The following CTNND2 variants were observed in gnomAD, a reference collection of about 807,000 sequenced individuals.
The protein encoded by CTNND2 is catenin delta-2.
In CTNND2, 22 loss-of-function variants were observed where a neutral mutation model predicts 144.4. The ratio of observed to expected loss-of-function variants is 0.15; its 90% CI spans 0.11 to 0.22. The LOEUF (loss-of-function observed/expected upper bound fraction) is 0.22, where lower values mean the gene tolerates loss of function less well. Among genes scored for constraint, CTNND2 ranks in the 10% least tolerant of loss-of-function variants. The pLI is 1.00. For missense variants in CTNND2, 1,353 were observed against 1,618.8 expected (o/e 0.84, Z 2.82); for synonymous variants, 751 against 695.6 (o/e 1.08, Z -1.25).
At chr5:11,726,249 A>G (rs1787011073) in intron 2 of CTNND2, among the ~76,000 whole-genome samples, 2 of 152,218 alleles carry the variant, frequency 1.3e-5, no homozygotes, top group Admixed American at 6.5e-5. Flanking sequence ...ATTATATTAA[A>G]TAATTCACAG....
intron 1 of CTNND2, among the ~76,000 whole-genome samples, chr5:11,796,718 A>G (rs762315517): frequency 1.3e-5 from 2 of 152,200 alleles, no homozygotes; most frequent in Non-Finnish European, 2.9e-5. Flanking sequence ...AGGATGTCTT[A>G]ATTTTTCAGA....
At chr5:11,386,187 C>T (rs1207742805) in intron 6 of CTNND2, among the ~76,000 whole-genome samples, 2 of 152,194 alleles carry the variant, frequency 1.3e-5, no homozygotes, top group Non-Finnish European at 2.9e-5. Context: ...CAGGAGGTCT[C>T]AGATCTTCCA....
intron 10 of CTNND2, among the ~76,000 whole-genome samples, chr5:11,208,914 C>T (rs1246749274): frequency 6.6e-6 from 1 of 152,184 alleles, no homozygotes; most frequent in Non-Finnish European, 1.5e-5. Context: ...CATCTATTGG[C>T]TGTAAAGTGA....
At chr5:11,443,877 A>AG (rs35750686) in intron 3 of CTNND2, among the ~76,000 whole-genome samples, 25,777 of 152,142 alleles carry the variant, frequency 0.17, 3,625 homozygotes, top group African/African-American at 0.39. Flanking sequence ...TGGCATAAAA[A>AG]AACTAAGCAT....
intron 1 of CTNND2, among the ~76,000 whole-genome samples, chr5:11,778,221 C>T (rs755723454): frequency 2.6e-5 from 4 of 152,168 alleles, no homozygotes; most frequent in Admixed American, 6.5e-5. Context: ...ACATCCAATC[C>T]CATCCTAGTT....
At chr5:11,272,855 G>A (rs980356498) in intron 9 of CTNND2, among the ~76,000 whole-genome samples, 3 of 152,158 alleles carry the variant, frequency 2.0e-5, no homozygotes, top group South Asian at 4.1e-4. Flanking sequence ...TGATATATTA[G>A]AGTAGGGGTC....
At chr5:11,299,651 T>C (rs391979) in intron 9 of CTNND2, among the ~76,000 whole-genome samples, 47,385 of 152,100 alleles carry the variant, frequency 0.31, 7,546 homozygotes, top group Middle Eastern at 0.38. Context: ...ACATGTAGAA[T>C]GGCCATGTTA....
chr5:11,456,421 G>A (rs187780409), intron 3 of CTNND2, among the ~76,000 whole-genome samples: 20 of 151,486 alleles, frequency 1.3e-4, no homozygotes, highest in African/African-American at 3.9e-4. Context: ...ACAGCAACAC[G>A]AGTTAGGTGT....
At position 11,904,281 on chromosome 5, in the gene CTNND2, C is replaced by T. The variant is rs537600564; in HGVS notation, c.-428G>A. ...CGCCGAGCGCTCCCGAGCTGCGCCC[C>T]GCGCGCGGCCCGCGCCACCTGTGCC... On this transcript the variant is annotated 5_prime_UTR_variant, in exon 1 of 22. Transcript: ENST00000304623. The surrounding 1 kb of genome is among the most constrained non-coding windows in gnomAD (Gnocchi z 4.2). Among the ~76,000 whole-genome samples, 55 of 146,324 alleles carry T rather than the reference C, an allele frequency of 3.8e-4. No individual in the cohort carries two copies. Among genetic ancestry groups the T allele is most frequent in the East Asian group, 1.8e-3 (9 of 4,956 alleles).
chr5:11,731,147 C>A (rs1787365990), intron 2 of CTNND2, among the ~76,000 whole-genome samples: 1 of 152,206 alleles, frequency 6.6e-6, no homozygotes, highest in Admixed American at 6.5e-5. Flanking sequence ...TGAGTACCTA[C>A]TTAGCTGAAC....
chr5:11,262,755 C>A (rs1408146276), intron 9 of CTNND2, among the ~76,000 whole-genome samples: 7 of 47,006 alleles, frequency 1.5e-4, no homozygotes, highest in Admixed American at 6.2e-4. Context: ...GAGTAAGACT[C>A]TGTCTCAAAA....
At position 11,475,661 on chromosome 5, in the gene CTNND2, C is replaced by T. The variant is rs1277128556; in HGVS notation, c.288-63592G>A. ...TCAGGGTGCAGTTCTCAAAGAGAGT[C>T]AGCTGATGTGAGAATGCAGAGACTG... On this transcript the variant is annotated intron_variant, in intron 3 of 21. Transcript: ENST00000304623. Among the ~76,000 whole-genome samples, 5 of 152,264 alleles carry T rather than the reference C, an allele frequency of 3.3e-5. No homozygotes were observed. In the East Asian group the frequency reaches 9.7e-4, roughly 29 times the overall value.
chr5:11,526,883 T>C (rs1338197493), intron 3 of CTNND2, among the ~76,000 whole-genome samples: 2 of 134,058 alleles, frequency 1.5e-5, no homozygotes, highest in African/African-American at 5.9e-5. Flanking sequence ...GGTCTGTCCA[T>C]ACTGTGGAAT....
chr5:11,484,315 C>G (rs539938793), intron 3 of CTNND2, among the ~76,000 whole-genome samples: 1 of 152,306 alleles, frequency 6.6e-6, no homozygotes, highest in South Asian at 2.1e-4. Flanking sequence ...GAATTTGGCT[C>G]CGAATCTGCC....
intron 16 of CTNND2, among the ~76,000 whole-genome samples, chr5:11,030,764 T>G (rs1158150892): frequency 2.0e-5 from 3 of 150,906 alleles, no homozygotes; most frequent in East Asian, 3.9e-4. Context: ...GTTTTTTTTT[T>G]TTTTTTTTTT....
intron 9 of CTNND2, among the ~76,000 whole-genome samples, chr5:11,321,981 C>G (rs563151554): frequency 5.9e-4 from 90 of 152,246 alleles, no homozygotes; most frequent in Admixed American, 1.9e-3. Flanking sequence ...AAATGGAAAG[C>G]CCTGGGGAGC....
chr5:11,312,273 A>G (rs1580873004), intron 9 of CTNND2, among the ~76,000 whole-genome samples: 2 of 126,826 alleles, frequency 1.6e-5, no homozygotes, highest in Non-Finnish European at 3.3e-5. Flanking sequence ...CTCTCCCCCT[A>G]CCCCCCCAAC....
At chr5:11,456,178 C>A (rs1049974050) in intron 3 of CTNND2, among the ~76,000 whole-genome samples, 2 of 152,098 alleles carry the variant, frequency 1.3e-5, no homozygotes, top group African/African-American at 4.8e-5. Context: ...ATCATCTGGG[C>A]AATAGATTGT....
At chr5:11,708,182 G>A (rs1022001020) in intron 2 of CTNND2, among the ~76,000 whole-genome samples, 2 of 151,786 alleles carry the variant, frequency 1.3e-5, no homozygotes, top group Non-Finnish European at 2.9e-5. Flanking sequence ...AAGTAGCTGG[G>A]ACTACAGGTG....
Sources: allele counts gnomAD v4.1 joint callset (sites outside exome capture counted in the v4.1 genomes callset), GRCh38; gene constraint gnomAD v4.1.1; non-coding constraint Gnocchi (gnomAD v3.1); transcripts MANE v1.5; gene names NCBI Gene and HGNC (gene_info 2026-07-23, HGNC 2026-07-21).